The following RHEX variants were observed in gnomAD, a reference collection of about 807,000 sequenced individuals.
The protein encoded by RHEX is regulator of hemoglobinization and erythroid cell expansion.
Under a neutral mutation model 20.1 loss-of-function variants are expected in RHEX, and 18 were observed. The observed-to-expected ratio is 0.90, with a 90% confidence interval of 0.62 to 1.33. The LOEUF (loss-of-function observed/expected upper bound fraction) is 1.33, where lower values mean the gene tolerates loss of function less well. Among genes scored for constraint, RHEX ranks in the 40% most tolerant of loss-of-function variants. The pLI is 0.00. For synonymous variants in RHEX, 87 were observed against 77.1 expected (o/e 1.13, Z -0.67); for missense variants, 192 against 214.3 (o/e 0.90, Z 0.65).
intron 4 of RHEX, 41 bp downstream of exon 4, chr1:206,099,839 C>A: frequency 1.9e-6 from 3 of 1,601,232 alleles, no homozygotes; most frequent in Non-Finnish European, 2.6e-6. Context: ...TAGGGACTAA[C>A]TTTGCTCTCT....
At chr1:206,057,964 G>A (rs1418416963) in intron 1 of RHEX, among the ~76,000 whole-genome samples, 1 of 152,276 alleles carries the variant, frequency 6.6e-6, no homozygotes, top group African/African-American at 2.4e-5. Context: ...GATGAGAAAT[G>A]CTATCTATCA....
chr1:206,085,366 A>T (rs1247135061), intron 1 of RHEX, among the ~76,000 whole-genome samples: 1 of 152,234 alleles, frequency 6.6e-6, no homozygotes, highest in Non-Finnish European at 1.5e-5. Flanking sequence ...AATCTGTAGA[A>T]GGTGCCTAGT....
chr1:206,055,876 G>A (rs1662183756), intron 1 of RHEX, among the ~76,000 whole-genome samples: 1 of 152,278 alleles, frequency 6.6e-6, no homozygotes, highest in Non-Finnish European at 1.5e-5. Context: ...ACAACTAGAT[G>A]AGGTTTCCAA....
At chr1:206,056,960 G>C (rs1662206572) in intron 1 of RHEX, among the ~76,000 whole-genome samples, 1 of 152,236 alleles carries the variant, frequency 6.6e-6, no homozygotes, top group African/African-American at 2.4e-5. Context: ...GCATGAGTGG[G>C]AGCTGCAACC....
At chr1:206,099,883 T>C in intron 4 of RHEX, 85 bp downstream of exon 4, 1 of 1,328,220 alleles carries the variant, frequency 7.5e-7, no homozygotes, top group South Asian at 1.3e-5. Flanking sequence ...AGCAACCCCA[T>C]GGGCCCAAAC....
At chr1:206,101,659 C>A (rs751352804) in intron 5 of RHEX, 93 bp from the exon 6 acceptor site, 9 of 980,614 alleles carry the variant, frequency 9.2e-6, no homozygotes, top group Non-Finnish European at 1.4e-5. Context: ...AAGCCATGGG[C>A]GAATCTTGTT....
At chr1:206,094,481 G>A (rs954887116) in intron 1 of RHEX, among the ~76,000 whole-genome samples, 3 of 152,272 alleles carry the variant, frequency 2.0e-5, no homozygotes, top group South Asian at 2.1e-4. Flanking sequence ...TGAGTGCCTC[G>A]TATATGCCTG....
chr1:206,068,001 T>C (rs1476323193), intron 1 of RHEX, among the ~76,000 whole-genome samples: 1 of 151,416 alleles, frequency 6.6e-6, no homozygotes, highest in African/African-American at 2.4e-5. Flanking sequence ...GGGACTGGAG[T>C]GGGGAGGAGA....
intron 1 of RHEX, among the ~76,000 whole-genome samples, chr1:206,069,759 G>A (rs1571858569): frequency 1.3e-5 from 2 of 152,070 alleles, no homozygotes; most frequent in African/African-American, 2.4e-5. Context: ...CATTGAGTAC[G>A]GATTCTTCCT....
At chr1:206,093,061 C>G (rs1015334033) in intron 1 of RHEX, among the ~76,000 whole-genome samples, 2 of 152,164 alleles carry the variant, frequency 1.3e-5, no homozygotes, top group African/African-American at 2.4e-5. Context: ...TAGCAAGTGA[C>G]AGAGCCAGGA....
intron 1 of RHEX, among the ~76,000 whole-genome samples, chr1:206,087,453 C>T (rs908231818): frequency 6.6e-6 from 1 of 151,830 alleles, no homozygotes; most frequent in African/African-American, 2.4e-5. Context: ...TGATACCACT[C>T]CTTCTGACAA....
intron 1 of RHEX, among the ~76,000 whole-genome samples, chr1:206,072,632 ATGTACTC>A (rs1553284791): frequency 6.6e-6 from 1 of 152,162 alleles, no homozygotes; most frequent in Non-Finnish European, 1.5e-5. Flanking sequence ...TATTCCCGTA[ATGTACTC>A]TGAAAATATG....
rs534597188 is a variant in RHEX at position 206,100,300 on chromosome 1, C to A, written c.256+502C>A. ...TGTGAATCTTGCTGCTGGTTCAAATCTATATCACCCTCCTGCAAGTGAGCC... is the reference window on the plus strand; with the variant it reads ...TGTGAATCTTGCTGCTGGTTCAAATATATATCACCCTCCTGCAAGTGAGCC... On this transcript the variant is annotated intron_variant, in intron 4 of 5. Coordinates refer to ENST00000331555, the MANE Select transcript of RHEX (RefSeq NM_001007544.4). Among the ~76,000 whole-genome samples the A allele has an allele frequency of 8.5e-5, 13 of 152,290 alleles. No individual in the cohort carries two copies. The South Asian group carries it at 2.7e-3, about 32-fold the overall frequency.
chr1:206,078,239 C>T (rs1553285466), intron 1 of RHEX, among the ~76,000 whole-genome samples: 3 of 152,132 alleles, frequency 2.0e-5, no homozygotes, highest in African/African-American at 7.2e-5. Flanking sequence ...AGTTAACCCA[C>T]ATTTAAAGTT....
intron 1 of RHEX, among the ~76,000 whole-genome samples, chr1:206,055,125 T>C (rs114779412): frequency 0.016 from 2,373 of 152,138 alleles, 57 homozygotes; most frequent in African/African-American, 0.052. Flanking sequence ...ATTTTCCAGG[T>C]TTCTACAGCT....
At chr1:206,093,547 G>A (rs1663003207) in intron 1 of RHEX, among the ~76,000 whole-genome samples, 1 of 152,168 alleles carries the variant, frequency 6.6e-6, no homozygotes, top group African/African-American at 2.4e-5. Flanking sequence ...GGGATTACAG[G>A]TGTGGGCTAC....
At chr1:206,061,183 TC>T (rs1270837984) in intron 1 of RHEX, 2 of 152,160 alleles carry the variant, frequency 1.3e-5, no homozygotes, top group Admixed American at 1.3e-4. Flanking sequence ...CGTACTCATT[TC>T]CCCTGTGTCT....
rs781978037 is a variant in RHEX, at chr1:206,101,804, T to TA, written c.377dup (p.Asn126LysfsTer2). 1.9e-6 allele frequency: 3 copies of TA among 1,613,826 alleles called. No homozygotes were observed. The highest frequency in any genetic ancestry group is 1.3e-5 in the African/African-American group (1 of 74,908). ...GTCGTCTTTTCTGACCCTGGAGAACTAAAAAATGACTCCCCGCTGGACTAT... is the reference window on the plus strand; with the variant it reads ...GTCGTCTTTTCTGACCCTGGAGAACTAAAAAAATGACTCCCCGCTGGACTAT... On this transcript the variant is annotated frameshift_variant, in exon 6 of 6. Transcript: ENST00000331555. LOFTEE classifies it high-confidence loss of function.
At chr1:206,069,146 C>G in intron 1 of RHEX, among the ~76,000 whole-genome samples, 1 of 152,204 alleles carries the variant, frequency 6.6e-6, no homozygotes, top group East Asian at 1.9e-4. Context: ...AGTTTGCCAC[C>G]CTTACCCCCA....
Sources: gnomAD v4.1 joint callset for allele counts (sites outside exome capture counted in the v4.1 genomes callset) on GRCh38, gnomAD v4.1.1 for gene constraint, MANE v1.5 for transcripts, NCBI Gene and HGNC (gene_info 2026-07-23, HGNC 2026-07-21) for gene names.